Variants in ADCY5 observed in about 807,000 individuals in gnomAD.
ADCY5 encodes adenylate cyclase type 5.
ADCY5 carries 30 observed loss-of-function variants against 119.7 expected under a neutral mutation model. The observed-to-expected ratio is 0.25, with a 90% CI of 0.19 to 0.34. ADCY5 has a LOEUF of 0.34. Ranked by LOEUF, ADCY5 falls within the 10% of genes least tolerant of loss-of-function variation. The pLI, the probability that ADCY5 is intolerant of heterozygous loss-of-function variation, is 1.00. For missense variants in ADCY5, 1,324 were observed against 1,775.2 expected (o/e 0.75, Z 4.57); for synonymous variants, 753 against 762.2 (o/e 0.99, Z 0.20).
chr3:123,415,005 C>T (rs897721152), intron 1 of ADCY5, among the ~76,000 whole-genome samples: 1 of 152,198 alleles, frequency 6.6e-6, no homozygotes, highest in African/African-American at 2.4e-5. Flanking sequence ...AAAGCTTCCA[C>T]CACTGCGGCC....
chr3:123,402,635 G>A (rs1944793954), intron 1 of ADCY5, among the ~76,000 whole-genome samples: 1 of 151,892 alleles, frequency 6.6e-6, no homozygotes, highest in African/African-American at 2.4e-5. Flanking sequence ...TGGATCACGA[G>A]GTCAGGAGAT....
intron 1 of ADCY5, among the ~76,000 whole-genome samples, chr3:123,414,597 C>G (rs543717251): frequency 6.6e-6 from 1 of 152,278 alleles, no homozygotes; most frequent in African/African-American, 2.4e-5. Flanking sequence ...GGCTGTGTCG[C>G]CCAGGCTGGA....
intron 1 of ADCY5, among the ~76,000 whole-genome samples, chr3:123,418,346 A>G (rs1337014537): frequency 6.6e-6 from 1 of 152,258 alleles, no homozygotes; most frequent in Non-Finnish European, 1.5e-5. Context: ...CTGCCTTAGT[A>G]CATTTTGTGT....
intron 1 of ADCY5, among the ~76,000 whole-genome samples, chr3:123,390,435 C>A (rs1198940848): frequency 6.6e-6 from 1 of 152,222 alleles, no homozygotes; most frequent in Non-Finnish European, 1.5e-5. Flanking sequence ...CATGGGAGAC[C>A]TGTTTGGCAG....
intron 1 of ADCY5, among the ~76,000 whole-genome samples, chr3:123,401,569 G>C (rs1174699933): frequency 6.6e-6 from 1 of 152,236 alleles, no homozygotes; most frequent in Non-Finnish European, 1.5e-5. Flanking sequence ...GCTACTAACA[G>C]CTTTGCCCAG....
chr3:123,322,150 C>T (rs114836772), intron 8 of ADCY5, among the ~76,000 whole-genome samples: 7 of 152,276 alleles, frequency 4.6e-5, no homozygotes, highest in East Asian at 1.9e-4. Flanking sequence ...ACAGGCGTGG[C>T]GGGCAGCAGA....
chr3:123,390,746 G>A (rs1292792260), intron 1 of ADCY5, among the ~76,000 whole-genome samples: 1 of 152,180 alleles, frequency 6.6e-6, no homozygotes, highest in Non-Finnish European at 1.5e-5. Context: ...CACAGCCTGA[G>A]GCTAGGCCAC....
intron 1 of ADCY5, among the ~76,000 whole-genome samples, chr3:123,389,023 G>C (rs79891735): frequency 3.3e-5 from 5 of 152,150 alleles, no homozygotes; most frequent in African/African-American, 4.8e-5. Context: ...AGGAGTCATG[G>C]AAGGAAGGAG....
rs188352589 is a variant in ADCY5, at chr3:123,424,578, G to A, written c.1134+22834C>T. 9.2e-5 allele frequency among the ~76,000 whole-genome samples: 14 copies of A among 152,314 alleles called. No individual in the cohort carries two copies. The East Asian group carries it at 1.9e-3, about 21-fold the overall frequency. The stretch of plus-strand genomic sequence containing the variant: ...CTCTGAGGGCTAGAACAAGCACAGC[G>A]AGGCCTTGGTGGCTGGGGGCATTTC... On this transcript the variant is annotated intron_variant, in intron 1 of 20. Coordinates refer to ENST00000462833, the MANE Select transcript of ADCY5 (RefSeq NM_183357.3).
At chr3:123,324,599 A>G (rs528039992) in intron 8 of ADCY5, among the ~76,000 whole-genome samples, 122 of 152,140 alleles carry the variant, frequency 8.0e-4, no homozygotes, top group African/African-American at 2.9e-3. Flanking sequence ...AGGAAACACC[A>G]CTGCAGTAAC....
intron 17 of ADCY5, among the ~76,000 whole-genome samples, chr3:123,293,275 T>G (rs1258419748): frequency 6.6e-6 from 1 of 151,972 alleles, no homozygotes; most frequent in Non-Finnish European, 1.5e-5. Flanking sequence ...GCTTGAAGAA[T>G]GCTGAGGAGT....
chr3:123,434,813 C>T (rs1174208920), intron 1 of ADCY5, among the ~76,000 whole-genome samples: 1 of 152,116 alleles, frequency 6.6e-6, no homozygotes, highest in Non-Finnish European at 1.5e-5. Context: ...TTCCTCGCTC[C>T]ATTACCCATA....
intron 14 of ADCY5, 138 bp downstream of exon 14, chr3:123,302,917 T>TA (rs1053796120): frequency 8.2e-5 from 81 of 993,804 alleles, no homozygotes; most frequent in Non-Finnish European, 1.1e-4. Context: ...GAGTGAGAGA[T>TA]ACTGGGGTAA....
In ADCY5 at chr3:123,286,676, T is replaced by C. The variant is rs1408166541; in HGVS notation, c.3657+9A>G. ...TGGGGTGAGGGGTGGTGGATGCTCC[T>C]GCACTCACCTGGATGCGGTCGGGTA... On this transcript the variant is annotated intron_variant, in intron 20 of 20. Coordinates refer to ENST00000462833, the MANE Select transcript of ADCY5 (RefSeq NM_183357.3). The surrounding 1 kb of genome is among the most constrained non-coding windows in gnomAD (Gnocchi z 4.2). The C allele has an allele frequency of 6.2e-7, 1 of 1,604,604 alleles. No individual in the cohort carries two copies. The highest frequency in any genetic ancestry group is 8.5e-7 in the Non-Finnish European group (1 of 1,175,510).
At chr3:123,396,610 A>T (rs1216765156) in intron 1 of ADCY5, among the ~76,000 whole-genome samples, 3 of 128,088 alleles carry the variant, frequency 2.3e-5, no homozygotes, top group African/African-American at 8.7e-5. Flanking sequence ...GAGAGAAGGG[A>T]GGGAGGAAGA....
In ADCY5 at chr3:123,448,637, A is replaced by G. The variant is rs1945875426; in HGVS notation, c.-92T>C. The G allele has an allele frequency of 1.7e-6, 2 of 1,181,478 alleles. No individual in the cohort carries two copies. The highest frequency in any genetic ancestry group is 1.6e-5 in the African/African-American group (1 of 63,216). The allele number at this position is 1,181,478 out of a possible 1,614,324, so 73.2% of individuals were successfully genotyped here. A position where few individuals can be genotyped will look rare whatever the true frequency, so the allele number is the denominator to read the frequency against. On this transcript the variant is annotated 5_prime_UTR_variant, in exon 1 of 21. Coordinates refer to ENST00000462833, the MANE Select transcript of ADCY5 (RefSeq NM_183357.3). ...GGGCGGACGGCCGAGCAGGGGGACC[A>G]GGCTAGGGTCACACGTCGGGGGCGG... is the stretch of plus-strand genomic sequence containing the variant.
At chr3:123,344,564 C>T in intron 3 of ADCY5, among the ~76,000 whole-genome samples, 1 of 152,160 alleles carries the variant, frequency 6.6e-6, no homozygotes, top group East Asian at 1.9e-4. Context: ...ATGCTTGTAA[C>T]TTGTCCTGGT....
chr3:123,396,861 T>C (rs1576664455), intron 1 of ADCY5, among the ~76,000 whole-genome samples: 1 of 121,232 alleles, frequency 8.2e-6, no homozygotes. Flanking sequence ...CCCATATCCA[T>C]ACCACAGTGG....
In ADCY5 at chr3:123,291,211, T is replaced by C; in HGVS notation, c.3229A>G (p.Ile1077Val). ...ACGTAGAACTCGGAGAAGTTGGCGA[T>C]GGAGGCGAACATGACCGCCACACAC... ...CECVAVMFAS[I>V]ANFSEFYVEL... is the part of the protein sequence containing the mutation. The change falls in exon 18 of 21, where the codon ATC (isoleucine) becomes GTC (valine). Residue 1077 changes from isoleucine to valine, a missense_variant. Ile to Val is a conservative substitution (Grantham distance 29). Coordinates refer to ENST00000462833, the MANE Select transcript of ADCY5 (RefSeq NM_183357.3). The C allele has an allele frequency of 6.2e-7, 1 of 1,614,034 alleles. No homozygotes were observed. Among genetic ancestry groups the C allele is most frequent in the African/African-American group, 1.3e-5 (1 of 75,050 alleles).
Sources: allele counts gnomAD v4.1 joint callset (sites outside exome capture counted in the v4.1 genomes callset), GRCh38; gene constraint gnomAD v4.1.1; non-coding constraint Gnocchi (gnomAD v3.1); transcripts MANE v1.5; gene names NCBI Gene and HGNC (gene_info 2026-07-23, HGNC 2026-07-21).